The following CFAP221 variants were observed in gnomAD, a reference collection of about 807,000 sequenced individuals.
CFAP221 encodes cilia- and flagella-associated protein 221.
Under a neutral mutation model 113.1 loss-of-function variants are expected in CFAP221, and 97 were observed. The ratio of observed to expected loss-of-function variants is 0.86; its 90% confidence interval spans 0.73 to 1.02. The LOEUF (loss-of-function observed/expected upper bound fraction) is 1.02, where lower values mean the gene tolerates loss of function less well. CFAP221 is among the 50% of genes least tolerant of loss of function. The pLI is 0.00. For missense variants in CFAP221, 1,025 were observed against 1,013.4 expected, an observed-to-expected ratio of 1.01 and a Z score of -0.16; for synonymous variants, 331 against 354.4, an observed-to-expected ratio of 0.93 and a Z score of 0.74.
At chr2:119,595,696 C>T (rs1174371923) in intron 7 of CFAP221, among the ~76,000 whole-genome samples, 9 of 151,972 alleles carry the variant, frequency 5.9e-5, no homozygotes, top group Non-Finnish European at 1.2e-4. Flanking sequence ...AGATGCCAGT[C>T]GGGGGAGACA....
At chr2:119,631,205 G>A (rs1686754459) in intron 19 of CFAP221, 2 of 592,212 alleles carry the variant, frequency 3.4e-6, no homozygotes, top group Non-Finnish European at 4.4e-6. Flanking sequence ...TTAAGTGAAT[G>A]AAAATGAAAA....
chr2:119,621,054 G>A (rs570561124), intron 14 of CFAP221, among the ~76,000 whole-genome samples: 2 of 152,036 alleles, frequency 1.3e-5, no homozygotes, highest in African/African-American at 2.4e-5. Context: ...GAGAAACCCC[G>A]TCTCTACTAA....
chr2:119,575,269 C>T (rs1220082573), intron 6 of CFAP221, among the ~76,000 whole-genome samples: 1 of 152,176 alleles, frequency 6.6e-6, no homozygotes. Context: ...AGCTGCCTTC[C>T]TCCCCTCGAC....
intron 7 of CFAP221, among the ~76,000 whole-genome samples, chr2:119,591,658 A>G (rs1419265133): frequency 6.6e-6 from 1 of 152,216 alleles, no homozygotes; most frequent in Non-Finnish European, 1.5e-5. Context: ...CCCAGAGGAC[A>G]ATGCCTGTAT....
intron 14 of CFAP221, 150 bp from the exon 15 acceptor site, chr2:119,625,433 A>G (rs1686230666): frequency 1.5e-6 from 1 of 650,486 alleles, no homozygotes; most frequent in South Asian, 1.9e-5. Context: ...GCCGCAGCCT[A>G]GGGAGAGTAG....
rs1687242877 is a variant in CFAP221 at position 119,638,342 on chromosome 2, C to G, written c.2058C>G (p.Pro686=). 2 of 1,614,154 alleles carry G rather than the reference C, an allele frequency of 1.2e-6. No homozygotes were observed. The highest frequency in any genetic ancestry group is 8.5e-7 in the Non-Finnish European group (1 of 1,179,980). The change falls in exon 20 of 24, where the codon CCC becomes CCG. Residue 686 remains proline, a synonymous_variant. Transcript: ENST00000413369. ...TLIDYHLCSH[P]KYKFTKESRH... is the part of the protein sequence containing the mutation. ...TAGATTACCATCTATGCTCTCACCCCAAGTACAAATTCACCAAAGAGTCCC... is the reference window on the plus strand; with the variant it reads ...TAGATTACCATCTATGCTCTCACCCGAAGTACAAATTCACCAAAGAGTCCC...
At position 119,617,648 on chromosome 2, in the gene CFAP221, C is replaced by G. The variant is rs530085746; in HGVS notation, c.1410+1939C>G. On this transcript the variant is annotated intron_variant, in intron 14 of 23. Transcript: ENST00000413369. ...GTCGCCAGCCAATTCTTTGCCTAATCTCCTCAACTACAGCCACAGACCAGG... is the reference window on the plus strand; with the variant it reads ...GTCGCCAGCCAATTCTTTGCCTAATGTCCTCAACTACAGCCACAGACCAGG... Among the ~76,000 whole-genome samples the G allele has an allele frequency of 2.0e-5, 3 of 152,328 alleles. No individual in the cohort carries two copies. The East Asian group carries it at 5.8e-4, about 29-fold the overall frequency.
intron 19 of CFAP221, among the ~76,000 whole-genome samples, chr2:119,631,443 C>T (rs1176747919): frequency 6.6e-6 from 1 of 152,140 alleles, no homozygotes; most frequent in Non-Finnish European, 1.5e-5. Context: ...GGAAGCCAAG[C>T]CGGCAGATCA....
intron 19 of CFAP221, among the ~76,000 whole-genome samples, chr2:119,637,577 G>T (rs905011887): frequency 6.6e-6 from 1 of 152,098 alleles, no homozygotes; most frequent in Non-Finnish European, 1.5e-5. Context: ...AGGGAGGGGC[G>T]CTACGTTGTT....
intron 8 of CFAP221, chr2:119,602,571 A>T: frequency 1.0e-6 from 1 of 960,564 alleles, no homozygotes; most frequent in Non-Finnish European, 1.2e-6. Flanking sequence ...TCACTCCATG[A>T]TATCTTAGAT....
At chr2:119,619,057 G>A (rs1294264251) in intron 14 of CFAP221, among the ~76,000 whole-genome samples, 1 of 152,224 alleles carries the variant, frequency 6.6e-6, no homozygotes, top group Non-Finnish European at 1.5e-5. Flanking sequence ...TCTGGGCAGG[G>A]CATCTCTGAA....
At chr2:119,550,488 A>G (rs2105012763) in intron 3 of CFAP221, among the ~76,000 whole-genome samples, 1 of 152,292 alleles carries the variant, frequency 6.6e-6, no homozygotes, top group Admixed American at 6.5e-5. Flanking sequence ...TGAAACTCTT[A>G]TTAGGAACTT....
intron 16 of CFAP221, among the ~76,000 whole-genome samples, chr2:119,629,075 A>G (rs935545485): frequency 6.6e-6 from 1 of 152,240 alleles, no homozygotes; most frequent in African/African-American, 2.4e-5. Context: ...ACTGTATTTC[A>G]TCAATTGTAA....
At chr2:119,558,877 T>C (rs575086429) in intron 3 of CFAP221, among the ~76,000 whole-genome samples, 2 of 152,140 alleles carry the variant, frequency 1.3e-5, no homozygotes, top group South Asian at 4.2e-4. Context: ...GCAAACACAG[T>C]GTACCCTCAT....
chr2:119,569,975 A>C (rs943911705), intron 6 of CFAP221, among the ~76,000 whole-genome samples: 1 of 152,184 alleles, frequency 6.6e-6, no homozygotes, highest in African/African-American at 2.4e-5. Context: ...TAATTTTAGC[A>C]TTTCTGCCAT....
intron 3 of CFAP221, among the ~76,000 whole-genome samples, chr2:119,558,523 T>C (rs1178424338): frequency 6.6e-6 from 1 of 152,134 alleles, no homozygotes; most frequent in East Asian, 1.9e-4. Flanking sequence ...AAGAACTTTT[T>C]AAACACATGC....
In CFAP221 at chr2:119,560,045, CTTTTTTTTTT is replaced by C. The variant is rs35631078; in HGVS notation, c.426+30_426+39del. ...CTGTAAGGTAGGTCTCTTAAAATTG[CTTTTTTTTTT>C]TTTTTTTTTTGATGGTGGGTTAAAA... On this transcript the variant is annotated intron_variant, in intron 5 of 23. Transcript: ENST00000413369. 3 of 875,466 alleles carry C rather than the reference CTTTTTTTTTT, an allele frequency of 3.4e-6. No homozygotes were observed. The highest frequency in any genetic ancestry group is 4.8e-6 in the Non-Finnish European group (3 of 619,944). The allele number at this position is 875,466 out of a possible 1,614,324, so 54.2% of individuals were successfully genotyped here. A position where few individuals can be genotyped will look rare whatever the true frequency, so the allele number is the denominator to read the frequency against.
At position 119,605,012 on chromosome 2, in the gene CFAP221, C is replaced by G. The variant is rs768013621; in HGVS notation, c.1024+25C>G. ...GGTAACCAGTTGATTGGCCATAAAG[C>G]AGCCCCTGAGCAGAATATGAAAGAG... On this transcript the variant is annotated intron_variant, in intron 10 of 23. Coordinates refer to ENST00000413369, the MANE Select transcript of CFAP221 (RefSeq NM_001271049.2). The G allele has an allele frequency of 1.0e-5, 16 of 1,599,126 alleles. No individual in the cohort carries two copies. The South Asian group carries it at 1.8e-4, about 18-fold the overall frequency.
At chr2:119,651,474 A>G (rs1230643684) in intron 22 of CFAP221, among the ~76,000 whole-genome samples, 1 of 134,078 alleles carries the variant, frequency 7.5e-6, no homozygotes, top group East Asian at 2.2e-4. Context: ...TCTAAGGGAT[A>G]GCAGACCACA....
Sources: allele counts gnomAD v4.1 joint callset (sites outside exome capture counted in the v4.1 genomes callset), GRCh38; gene constraint gnomAD v4.1.1; transcripts MANE v1.5; gene names NCBI Gene and HGNC (gene_info 2026-07-23, HGNC 2026-07-21).